The following DMRT1 variants were observed in gnomAD, a reference collection of about 807,000 sequenced individuals.
The protein encoded by DMRT1 is doublesex- and mab-3-related transcription factor 1.
In DMRT1, 7 loss-of-function variants were observed where a neutral mutation model predicts 32.3. The ratio of observed to expected loss-of-function variants is 0.22; its 90% confidence interval spans 0.12 to 0.41. The LOEUF is 0.41. Among genes scored for constraint, DMRT1 ranks in the 10% least tolerant of loss-of-function variants. DMRT1 has a pLI of 1.00. For synonymous variants in DMRT1, 278 were observed against 206.1 expected, an observed-to-expected ratio of 1.35 and a Z score of -2.99; for missense variants, 625 against 500.5, an observed-to-expected ratio of 1.25 and a Z score of -2.37.
intron 3 of DMRT1, among the ~76,000 whole-genome samples, chr9:907,829 A>ATGTGTG (rs3084903): frequency 0.096 from 14,353 of 149,420 alleles, 775 homozygotes; most frequent in African/African-American, 0.14. Context: ...TAAAATATAT[A>ATGTGTG]TGTGTGTGTG....
At position 907,771 on chromosome 9, in the gene DMRT1, C is replaced by T. The variant is rs188657695; in HGVS notation, c.823-8992C>T. ...TTCTTATATACAGTTCTCTTTTATT[C>T]TGTTCTGTTCTATTCTATTGCATTC... On this transcript the variant is annotated intron_variant, in intron 3 of 4. Coordinates refer to ENST00000382276, the MANE Select transcript of DMRT1 (RefSeq NM_021951.3). Among the ~76,000 whole-genome samples, 105 of 152,046 alleles carry T rather than the reference C, an allele frequency of 6.9e-4. 1 individual carries two copies. The highest frequency in any genetic ancestry group is 2.3e-3 in the African/African-American group (96 of 41,470).
intron 2 of DMRT1, among the ~76,000 whole-genome samples, chr9:863,305 G>A (rs1815809020): frequency 7.1e-6 from 1 of 141,106 alleles, no homozygotes; most frequent in African/African-American, 2.7e-5. Flanking sequence ...GTGACAGAGT[G>A]AGGCCACGTC....
intron 2 of DMRT1, among the ~76,000 whole-genome samples, chr9:848,415 G>C (rs10977038): frequency 0.7 from 106,284 of 152,000 alleles, 38,021 homozygotes; most frequent in Middle Eastern, 0.78. Context: ...AGGTGTGTCT[G>C]TCTGTGTCTG....
chr9:846,485 A>G (rs772164585), intron 1 of DMRT1, among the ~76,000 whole-genome samples: 7 of 151,348 alleles, frequency 4.6e-5, no homozygotes, highest in African/African-American at 1.5e-4. Flanking sequence ...GACCCACTCT[A>G]CTCTTCAGAT....
chr9:869,951 C>T (rs1418378369), intron 2 of DMRT1, among the ~76,000 whole-genome samples: 2 of 152,044 alleles, frequency 1.3e-5, no homozygotes, highest in African/African-American at 2.4e-5. Context: ...GACCCCTGCG[C>T]GTGTATATGG....
intron 4 of DMRT1, among the ~76,000 whole-genome samples, chr9:958,296 A>T (rs890839943): frequency 6.6e-6 from 1 of 152,254 alleles, no homozygotes; most frequent in African/African-American, 2.4e-5. Flanking sequence ...TATAAGCTGC[A>T]AATTCTATAA....
At chr9:915,751 T>TTTTTTTTTTTTTTTTTTTTTTTTTTTG (rs1564248221) in intron 3 of DMRT1, among the ~76,000 whole-genome samples, 1 of 150,006 alleles carries the variant, frequency 6.7e-6, no homozygotes, top group Non-Finnish European at 1.5e-5. Flanking sequence ...ATATATTTTT[T>TTTTTTTTTTTTTTTTTTTTTTTTTTTG]AGACAGAGTC....
At chr9:868,208 A>G (rs1406141080) in intron 2 of DMRT1, among the ~76,000 whole-genome samples, 1 of 152,142 alleles carries the variant, frequency 6.6e-6, no homozygotes, top group Non-Finnish European at 1.5e-5. Context: ...CAAACTCCTA[A>G]GCTCAAGCGA....
chr9:866,198 G>T (rs1000068415), intron 2 of DMRT1, among the ~76,000 whole-genome samples: 1 of 151,140 alleles, frequency 6.6e-6, no homozygotes, highest in Non-Finnish European at 1.5e-5. Context: ...ACAGTGGTGG[G>T]TGTTTTATAA....
At chr9:934,613 T>C (rs2129876886) in intron 4 of DMRT1, among the ~76,000 whole-genome samples, 1 of 152,366 alleles carries the variant, frequency 6.6e-6, no homozygotes, top group Admixed American at 6.5e-5. Context: ...TTTTATAGTT[T>C]TTTAGCTCTT....
chr9:868,289 A>G (rs1024576849), intron 2 of DMRT1, among the ~76,000 whole-genome samples: 1 of 152,096 alleles, frequency 6.6e-6, no homozygotes, highest in Non-Finnish European at 1.5e-5. Flanking sequence ...GAAAGAAAGT[A>G]TTTTACAAGG....
In DMRT1 at chr9:965,629, G is replaced by A. The variant is rs545691746; in HGVS notation, c.968-2356G>A. Reference sequence around the variant, plus strand: ...GCATCTCCCAGTCAGCTGCTAACTGGAAACAGGCCCAGGGCTCTGAACATG... The same window carrying A: ...GCATCTCCCAGTCAGCTGCTAACTGAAAACAGGCCCAGGGCTCTGAACATG... On this transcript the variant is annotated intron_variant, in intron 4 of 4. Transcript: ENST00000382276. This position sits in a 1 kb window ranked among gnomAD's most constrained non-coding sequence, Gnocchi z 4.5. Among the ~76,000 whole-genome samples, 1 of 152,282 alleles carries A rather than the reference G, an allele frequency of 6.6e-6. No homozygotes were observed. The highest frequency in any genetic ancestry group is 2.1e-4 in the South Asian group (1 of 4,824).
chr9:949,189 A>G (rs956599719), intron 4 of DMRT1, among the ~76,000 whole-genome samples: 1 of 152,112 alleles, frequency 6.6e-6, no homozygotes, highest in Non-Finnish European at 1.5e-5. Context: ...CCTGGGCAAC[A>G]AAGCCTTTCT....
chr9:860,641 A>G (rs1815617930), intron 2 of DMRT1, among the ~76,000 whole-genome samples: 1 of 152,232 alleles, frequency 6.6e-6, no homozygotes, highest in African/African-American at 2.4e-5. Flanking sequence ...ACATCAATAA[A>G]TAAGATATTT....
intron 1 of DMRT1, among the ~76,000 whole-genome samples, chr9:843,219 G>C (rs965218457): frequency 2.6e-5 from 4 of 152,218 alleles, no homozygotes; most frequent in Admixed American, 2.0e-4. Flanking sequence ...AGGGAGGCTC[G>C]GCCGGCTGCT....
chr9:873,390 C>T (rs1022311727), intron 2 of DMRT1, among the ~76,000 whole-genome samples: 1 of 151,840 alleles, frequency 6.6e-6, no homozygotes, highest in African/African-American at 2.4e-5. Context: ...ACCATAACCT[C>T]CACCTCCCGG....
intron 2 of DMRT1, among the ~76,000 whole-genome samples, chr9:860,154 G>T (rs988953458): frequency 6.6e-6 from 1 of 152,004 alleles, no homozygotes; most frequent in East Asian, 1.9e-4. Context: ...AAAATTAGCC[G>T]GGCGTGGTGG....
chr9:910,277 C>CATCT, intron 3 of DMRT1, among the ~76,000 whole-genome samples: 1 of 150,904 alleles, frequency 6.6e-6, no homozygotes, highest in African/African-American at 2.4e-5. Context: ...AAAAAGGCAT[C>CATCT]ATCTGATATA....
intron 4 of DMRT1, among the ~76,000 whole-genome samples, chr9:943,803 C>T (rs968088467): frequency 2.0e-5 from 3 of 152,142 alleles, no homozygotes; most frequent in African/African-American, 7.2e-5. Flanking sequence ...GCCGCAAAAG[C>T]ACAATGGGAA....
Sources: gnomAD v4.1 joint callset for allele counts (sites outside exome capture counted in the v4.1 genomes callset) on GRCh38, gnomAD v4.1.1 for gene constraint, Gnocchi (gnomAD v3.1) non-coding constraint, MANE v1.5 for transcripts, NCBI Gene and HGNC (gene_info 2026-07-23, HGNC 2026-07-21) for gene names.